The following FAM53A variants were observed in gnomAD, a reference collection of about 807,000 sequenced individuals.
FAM53A encodes protein FAM53A.
FAM53A carries 28 observed loss-of-function variants against 26.6 expected under a neutral mutation model. That is an observed-to-expected ratio of 1.05 (90% CI 0.78 to 1.45). FAM53A has a LOEUF of 1.45. Among genes scored for constraint, FAM53A ranks in the 40% most tolerant of loss-of-function variants. FAM53A has a pLI of 0.00. For synonymous variants in FAM53A, 290 were observed against 253.1 expected, an observed-to-expected ratio of 1.15 and a Z score of -1.38; for missense variants, 650 against 575.8, an observed-to-expected ratio of 1.13 and a Z score of -1.32.
intron 1 of FAM53A, among the ~76,000 whole-genome samples, chr4:1,682,416 C>T (rs1048928560): frequency 5.3e-5 from 8 of 151,934 alleles, no homozygotes; most frequent in Non-Finnish European, 1.2e-4. Context: ...GCACGCACCA[C>T]CACACCCAGT....
At chr4:1,615,057 C>G (rs1714756421), downstream of FAM53A, among the ~76,000 whole-genome samples, 1 of 151,876 alleles carries the variant, frequency 6.6e-6, no homozygotes, top group South Asian at 2.1e-4. Context: ...GCCACGCCCA[C>G]CCCACCTGGG....
chr4:1,667,338 T>C (rs1330235269), intron 2 of FAM53A, among the ~76,000 whole-genome samples: 1 of 151,364 alleles, frequency 6.6e-6, no homozygotes, highest in Non-Finnish European at 1.5e-5. Flanking sequence ...CCACAGCATC[T>C]GGAAAGAACA....
intron 1 of FAM53A, among the ~76,000 whole-genome samples, chr4:1,623,450 C>G (rs1471488812): frequency 6.6e-6 from 1 of 152,008 alleles, no homozygotes; most frequent in Non-Finnish European, 1.5e-5. Context: ...GGCCACCAGG[C>G]CCCCGGGCTC....
At chr4:1,677,808 G>C (rs1403874612) in intron 1 of FAM53A, among the ~76,000 whole-genome samples, 2 of 152,116 alleles carry the variant, frequency 1.3e-5, no homozygotes, top group Non-Finnish European at 2.9e-5. Context: ...AGCCGAGCGT[G>C]GTAGCAGGCG....
At chr4:1,657,371 T>TG (rs1336956670) in intron 3 of FAM53A, 37 bp downstream of exon 3, 21 of 1,595,678 alleles carry the variant, frequency 1.3e-5, no homozygotes, top group Non-Finnish European at 1.7e-5. Context: ...GTCCCAGCCC[T>TG]GCTCAGGCCT....
intron 1 of FAM53A, among the ~76,000 whole-genome samples, chr4:1,627,748 C>T (rs1177779567): frequency 6.6e-6 from 1 of 152,122 alleles, no homozygotes; most frequent in South Asian, 2.1e-4. Context: ...CCTCCACCAC[C>T]CCCTTGCCCT....
rs115946961 is a variant in FAM53A, at chr4:1,644,739, C to T, written c.883-3132G>A. 7.3e-3 allele frequency: 1,256 copies of T among 171,480 alleles called. 15 individuals are homozygous for T. Among genetic ancestry groups the T allele is most frequent in the African/African-American group, 0.027 (1,156 of 42,126 alleles). The allele number at this position is 171,480 out of a possible 1,614,324, so 10.6% of individuals were successfully genotyped here. A position where few individuals can be genotyped will look rare whatever the true frequency, so the allele number is the denominator to read the frequency against. Reference sequence around the variant, plus strand: ...GCGCAGAGGCCTTTCAAACTGTGTGCGAAGCCCTCCAGGCAGTCTGGGGGG... The same window carrying T: ...GCGCAGAGGCCTTTCAAACTGTGTGTGAAGCCCTCCAGGCAGTCTGGGGGG... On this transcript the variant is annotated intron_variant, in intron 4 of 4. Coordinates refer to ENST00000308132, the MANE Select transcript of FAM53A (RefSeq NM_001174070.3).
intron 1 of FAM53A, among the ~76,000 whole-genome samples, chr4:1,624,079 C>T (rs1715174236): frequency 6.6e-6 from 1 of 152,120 alleles, no homozygotes; most frequent in South Asian, 2.1e-4. Context: ...CCAGCTGTGT[C>T]GTCTGCAGGG....
chr4:1,665,290 C>G (rs891175083), intron 2 of FAM53A, among the ~76,000 whole-genome samples: 2 of 151,086 alleles, frequency 1.3e-5, no homozygotes, highest in Non-Finnish European at 2.9e-5. Context: ...TGCACTCCAG[C>G]CTGGGTGACA....
At chr4:1,649,516 C>T (rs1183579695) in intron 4 of FAM53A, among the ~76,000 whole-genome samples, 3 of 152,364 alleles carry the variant, frequency 2.0e-5, no homozygotes, top group East Asian at 1.9e-4. Flanking sequence ...AAGGAGCAGA[C>T]GAAATCTCAG....
chr4:1,656,630 C>T (rs1440722105), intron 3 of FAM53A, among the ~76,000 whole-genome samples: 2 of 152,118 alleles, frequency 1.3e-5, no homozygotes, highest in African/African-American at 2.4e-5. Context: ...AGGATGAACC[C>T]CAGGAGGCTG....
At chr4:1,612,705 G>A in the FAM53A span, among the ~76,000 whole-genome samples, 10 of 152,282 alleles carry the variant, frequency 6.6e-5, no homozygotes, top group South Asian at 2.1e-4. Context: ...ACCCACATGC[G>A]CACAGCATAA....
intron 4 of FAM53A, among the ~76,000 whole-genome samples, chr4:1,648,637 C>T (rs1712456060): frequency 6.6e-6 from 1 of 152,152 alleles, no homozygotes; most frequent in Non-Finnish European, 1.5e-5. Flanking sequence ...CACTCGTGAG[C>T]AAGCAGACCA....
intron 1 of FAM53A, 122 bp downstream of exon 1, chr4:1,684,111 G>A (rs1169782906): frequency 6.6e-6 from 1 of 151,958 alleles, no homozygotes; most frequent in East Asian, 1.9e-4. Flanking sequence ...GCAGGGCCCC[G>A]CGCCCACGAC....
At chr4:1,637,363 G>A (rs1715890362), downstream of FAM53A, among the ~76,000 whole-genome samples, 1 of 152,200 alleles carries the variant, frequency 6.6e-6, no homozygotes, top group South Asian at 2.1e-4. Flanking sequence ...ACCTCCCCGG[G>A]TCTTCAGAGG....
At chr4:1,637,621 G>A (rs1188829277), downstream of FAM53A, among the ~76,000 whole-genome samples, 3 of 150,402 alleles carry the variant, frequency 2.0e-5, no homozygotes, top group Non-Finnish European at 4.5e-5. Flanking sequence ...GGGGAGGGCT[G>A]GGGGCAGCCC....
At chr4:1,649,233 A>AAAG in intron 4 of FAM53A, among the ~76,000 whole-genome samples, 1 of 148,796 alleles carries the variant, frequency 6.7e-6, no homozygotes, top group African/African-American at 2.5e-5. Context: ...AGAGGAGGGG[A>AAAG]GGAAAGAAAA....
At chr4:1,675,657 C>T (rs781762656) in intron 1 of FAM53A, among the ~76,000 whole-genome samples, 5 of 152,174 alleles carry the variant, frequency 3.3e-5, no homozygotes, top group African/African-American at 7.2e-5. Context: ...TCTGGAGGAC[C>T]GCAGCAGCCT....
intron 4 of FAM53A, among the ~76,000 whole-genome samples, chr4:1,646,589 T>C (rs1055385212): frequency 6.6e-6 from 1 of 152,244 alleles, no homozygotes; most frequent in Non-Finnish European, 1.5e-5. Flanking sequence ...GGCCCCCCCA[T>C]GGAGGACAAG....
Sources: gnomAD v4.1 joint callset for allele counts (sites outside exome capture counted in the v4.1 genomes callset) on GRCh38, gnomAD v4.1.1 for gene constraint, MANE v1.5 for transcripts, NCBI Gene and HGNC (gene_info 2026-07-23, HGNC 2026-07-21) for gene names.